BCAR3: variants seen among roughly 807,000 people sequenced by gnomAD.
BCAR3 encodes the protein breast cancer anti-estrogen resistance protein 3.
In BCAR3, 37 loss-of-function variants were observed where a neutral mutation model predicts 80.1. The observed-to-expected ratio is 0.46, with a 90% CI of 0.36 to 0.61. The LOEUF is 0.61. Among genes scored for constraint, BCAR3 ranks in the 20% least tolerant of loss-of-function variants. The probability of loss-of-function intolerance (pLI) is 0.00; values close to 1 mark genes in which losing one functional copy is unlikely to be tolerated. For synonymous variants in BCAR3, 389 were observed against 418.9 expected, an observed-to-expected ratio of 0.93 and a Z score of 0.87; for missense variants, 978 against 1,068.2, an observed-to-expected ratio of 0.92 and a Z score of 1.18.
At chr1:93,639,225 C>T (rs1422700909) in intron 3 of BCAR3, among the ~76,000 whole-genome samples, 2 of 152,250 alleles carry the variant, frequency 1.3e-5, no homozygotes, top group African/African-American at 2.4e-5. Flanking sequence ...GCAACACAAA[C>T]GGTGCACGGT....
chr1:93,736,425 G>A (rs1200019024), intron 2 of BCAR3, among the ~76,000 whole-genome samples: 1 of 152,238 alleles, frequency 6.6e-6, no homozygotes, highest in Non-Finnish European at 1.5e-5. Context: ...GACCTCAGGT[G>A]ATCTGCCCGC....
At chr1:93,564,290 C>CTTTTTTTTT (rs35780346) in intron 11 of BCAR3, among the ~76,000 whole-genome samples, 4 of 103,704 alleles carry the variant, frequency 3.9e-5, no homozygotes, top group Admixed American at 3.0e-4. Context: ...TTCTTTCTTT[C>CTTTTTTTTT]TTTTTTTTTT....
chr1:93,564,514 G>A (rs984896019), intron 11 of BCAR3, among the ~76,000 whole-genome samples: 2 of 152,028 alleles, frequency 1.3e-5, no homozygotes, highest in African/African-American at 4.8e-5. Context: ...CCGACCTCAG[G>A]TGATCCGCCT....
chr1:93,819,313 C>G (rs1368837089), intron 2 of BCAR3, among the ~76,000 whole-genome samples: 1 of 152,230 alleles, frequency 6.6e-6, no homozygotes, highest in African/African-American at 2.4e-5. Context: ...ATCCACCCAC[C>G]TCGGCCTCCC....
Position 93,846,996 on chromosome 1 carries a change from CCAGCCGCGGCTGGGT to C in BCAR3, c.-209+59_-209+73del, listed in dbSNP as rs1320362770. 1.2e-4 allele frequency: 22 copies of C among 186,332 alleles called. 5 individuals carry two copies. Among genetic ancestry groups the C allele is most frequent in the Non-Finnish European group, 2.2e-4 (22 of 98,400 alleles). The allele number at this position is 186,332 out of a possible 1,614,324, so 11.5% of individuals were successfully genotyped here. A position where few individuals can be genotyped will look rare whatever the true frequency, so the allele number is the denominator to read the frequency against. ...CGCGCGGCGGCGCTCGCGCGCAGGT[CCAGCCGCGGCTGGGT>C]CGGGCGCGGCGGCCGGGCGCGAGGG... On this transcript the variant is annotated intron_variant, in intron 1 of 13. Transcript: ENST00000370244.
chr1:93,750,862 G>A (rs1651532493), intron 2 of BCAR3, among the ~76,000 whole-genome samples: 1 of 152,186 alleles, frequency 6.6e-6, no homozygotes. Context: ...CCCAGATGAT[G>A]CCCCAGATAT....
intron 2 of BCAR3, among the ~76,000 whole-genome samples, chr1:93,744,910 C>A (rs1476028452): frequency 2.6e-5 from 4 of 152,200 alleles, no homozygotes; most frequent in African/African-American, 9.7e-5. Context: ...TTTCTCTTTC[C>A]CCTTCCAGGC....
chr1:93,584,881 C>T, intron 5 of BCAR3: 1 of 749,274 alleles, frequency 1.3e-6, no homozygotes. Flanking sequence ...GACAGAGGCA[C>T]TGCACCAGCC....
chr1:93,645,273 G>T (rs1676117310), intron 2 of BCAR3, among the ~76,000 whole-genome samples: 1 of 149,370 alleles, frequency 6.7e-6, no homozygotes, highest in Non-Finnish European at 1.5e-5. Flanking sequence ...CTCCTTTCAA[G>T]GGGGAAAAAA....
chr1:93,771,717 T>C (rs1434923680), intron 2 of BCAR3, among the ~76,000 whole-genome samples: 3 of 152,212 alleles, frequency 2.0e-5, no homozygotes, highest in African/African-American at 4.8e-5. Context: ...TTTATCTATA[T>C]GAACACCTCA....
intron 2 of BCAR3, among the ~76,000 whole-genome samples, chr1:93,834,243 C>G (rs756939182): frequency 2.0e-4 from 31 of 152,156 alleles, no homozygotes; most frequent in Non-Finnish European, 2.9e-4. Context: ...TTTACCTGTC[C>G]AAAAACCAGA....
chr1:93,816,399 C>T (rs548988274), intron 2 of BCAR3, among the ~76,000 whole-genome samples: 5 of 152,128 alleles, frequency 3.3e-5, no homozygotes, highest in South Asian at 2.1e-4. Context: ...CTGGGCTGGG[C>T]GCAGTGGCTC....
chr1:93,650,570 A>T (rs1380875495), intron 2 of BCAR3, among the ~76,000 whole-genome samples: 6 of 152,166 alleles, frequency 3.9e-5, no homozygotes, highest in African/African-American at 1.2e-4. Context: ...CATCTATAAA[A>T]TGGGAATAAT....
upstream of BCAR3, chr1:93,847,510 CG>C: frequency 6.6e-6 from 1 of 152,340 alleles, no homozygotes; most frequent in East Asian, 2.0e-4. Flanking sequence ...GAGGCGCGGT[CG>C]GAAGAGCGCG....
intron 2 of BCAR3, among the ~76,000 whole-genome samples, chr1:93,668,463 C>T (rs532759800): frequency 1.3e-5 from 2 of 152,296 alleles, no homozygotes; most frequent in East Asian, 3.9e-4. Context: ...CACCAGAGGC[C>T]ACCAGGGACC....
At chr1:93,810,851 A>C (rs563048649) in intron 2 of BCAR3, among the ~76,000 whole-genome samples, 3 of 152,296 alleles carry the variant, frequency 2.0e-5, no homozygotes, top group Admixed American at 2.0e-4. Flanking sequence ...GCTAAAATTC[A>C]TTTACATTCA....
intron 5 of BCAR3, among the ~76,000 whole-genome samples, chr1:93,587,066 T>C (rs1480052602): frequency 6.6e-6 from 1 of 152,246 alleles, no homozygotes; most frequent in South Asian, 2.1e-4. Context: ...TGAGCCACCA[T>C]GCCCAGCCCA....
At chr1:93,634,351 G>A (rs1375362898) in intron 3 of BCAR3, among the ~76,000 whole-genome samples, 1 of 152,100 alleles carries the variant, frequency 6.6e-6, no homozygotes, top group Non-Finnish European at 1.5e-5. Context: ...TCTTTCCCAT[G>A]CTGTTCTCAT....
intron 2 of BCAR3, among the ~76,000 whole-genome samples, chr1:93,772,665 C>T (rs142151408): frequency 3.3e-4 from 50 of 152,212 alleles, no homozygotes; most frequent in African/African-American, 1.1e-3. Context: ...AGTGCAGTGG[C>T]GTGATCTTGG....
Sources: gnomAD v4.1 joint callset for allele counts (sites outside exome capture counted in the v4.1 genomes callset) on GRCh38, gnomAD v4.1.1 for gene constraint, MANE v1.5 for transcripts, NCBI Gene and HGNC (gene_info 2026-07-23, HGNC 2026-07-21) for gene names.